Variants in PLCB1 observed in about 807,000 individuals in gnomAD.
The protein encoded by PLCB1 is 1-phosphatidylinositol 4,5-bisphosphate phosphodiesterase beta-1.
In PLCB1, 46 loss-of-function variants were observed where a neutral mutation model predicts 161.8. The observed-to-expected ratio is 0.28, with a 90% CI of 0.22 to 0.36. The LOEUF is 0.36. Ranked by LOEUF, PLCB1 falls within the 10% of genes least tolerant of loss-of-function variation. The pLI is 1.00. For synonymous variants in PLCB1, 517 were observed against 503.7 expected (o/e 1.03, Z -0.35); for missense variants, 1,016 against 1,472.5 (o/e 0.69, Z 5.07).
chr20:8,795,673 G>C (rs1983980225), intron 31 of PLCB1, among the ~76,000 whole-genome samples: 1 of 152,044 alleles, frequency 6.6e-6, no homozygotes, highest in African/African-American at 2.4e-5. Context: ...ACCTGGGTTT[G>C]CCAAAGCCAG....
intron 25 of PLCB1, among the ~76,000 whole-genome samples, chr20:8,761,764 C>T (rs890769176): frequency 7.4e-5 from 11 of 149,650 alleles, no homozygotes; most frequent in Non-Finnish European, 9.0e-5. Context: ...GTGATCCACC[C>T]GCTATTTTTA....
At chr20:8,579,026 C>T (rs1316521125) in intron 3 of PLCB1, among the ~76,000 whole-genome samples, 1 of 152,176 alleles carries the variant, frequency 6.6e-6, no homozygotes, top group Non-Finnish European at 1.5e-5. Flanking sequence ...CAGAGCACTT[C>T]TTTTTCTTTA....
intron 2 of PLCB1, among the ~76,000 whole-genome samples, chr20:8,329,862 G>A (rs1418639046): frequency 6.6e-6 from 1 of 152,042 alleles, no homozygotes; most frequent in Non-Finnish European, 1.5e-5. Context: ...TGAGGACCCC[G>A]TCTTATGATT....
chr20:8,611,681 T>C (rs145176688), intron 3 of PLCB1, among the ~76,000 whole-genome samples: 206 of 152,306 alleles, frequency 1.4e-3, no homozygotes, highest in African/African-American at 4.5e-3. Flanking sequence ...AGAGTTTTAT[T>C]GACCGTGCAG....
intron 2 of PLCB1, among the ~76,000 whole-genome samples, chr20:8,367,313 G>T (rs1050975149): frequency 2.0e-5 from 3 of 152,172 alleles, no homozygotes; most frequent in Non-Finnish European, 4.4e-5. Context: ...GCTTCTCAAA[G>T]TGTGGTCATT....
At chr20:8,817,128 CTAAGA>C (rs1985119523) in intron 31 of PLCB1, among the ~76,000 whole-genome samples, 1 of 152,158 alleles carries the variant, frequency 6.6e-6, no homozygotes, top group Non-Finnish European at 1.5e-5. Context: ...CTGATATAAT[CTAAGA>C]TAACAAAATA....
At chr20:8,530,535 C>T (rs1984768828) in intron 3 of PLCB1, among the ~76,000 whole-genome samples, 2 of 151,954 alleles carry the variant, frequency 1.3e-5, no homozygotes, top group Non-Finnish European at 2.9e-5. Flanking sequence ...AACTACATTG[C>T]ATTATAATCA....
In PLCB1 at chr20:8,853,793, A is replaced by C. The variant is rs141772876; in HGVS notation, c.3424-27829A>C. The stretch of plus-strand genomic sequence containing the variant: ...CTCCTAAATGATGACACTCAGAATA[A>C]GACGCTTTCTTCTCCTTCCACAGTC... On this transcript the variant is annotated intron_variant, in intron 31 of 31. Coordinates refer to ENST00000338037, the MANE Select transcript of PLCB1 (RefSeq NM_015192.4). 4.7e-3 allele frequency among the ~76,000 whole-genome samples: 721 copies of C among 152,332 alleles called. 4 individuals are homozygous for C. Among genetic ancestry groups the C allele is most frequent in the African/African-American group, 0.017 (695 of 41,570 alleles).
At chr20:8,701,828 G>A (rs1261327210) in intron 11 of PLCB1, among the ~76,000 whole-genome samples, 2 of 152,148 alleles carry the variant, frequency 1.3e-5, no homozygotes, top group Non-Finnish European at 2.9e-5. Flanking sequence ...TCAGATAAGT[G>A]AATTTGTCTT....
intron 3 of PLCB1, among the ~76,000 whole-genome samples, chr20:8,439,965 T>A (rs1385828656): frequency 6.6e-6 from 1 of 152,206 alleles, no homozygotes; most frequent in Non-Finnish European, 1.5e-5. Context: ...GGCTTATATG[T>A]GGATGCATGT....
chr20:8,495,113 G>A (rs1191934595), intron 3 of PLCB1, among the ~76,000 whole-genome samples: 1 of 151,750 alleles, frequency 6.6e-6, no homozygotes, highest in Non-Finnish European at 1.5e-5. Flanking sequence ...AGCAGGAGGA[G>A]AATGATAACT....
chr20:8,590,261 G>A (rs1987108879), intron 3 of PLCB1, among the ~76,000 whole-genome samples: 1 of 152,106 alleles, frequency 6.6e-6, no homozygotes, highest in Admixed American at 6.5e-5. Context: ...ATGTACCTAT[G>A]ACAAATTCGG....
intron 2 of PLCB1, among the ~76,000 whole-genome samples, chr20:8,259,460 A>G (rs1382017230): frequency 6.6e-6 from 1 of 152,146 alleles, no homozygotes; most frequent in African/African-American, 2.4e-5. Flanking sequence ...TACTAAAAAT[A>G]TAAGAAGTAG....
intron 2 of PLCB1, among the ~76,000 whole-genome samples, chr20:8,339,653 C>A (rs190244456): frequency 1.6e-3 from 243 of 152,338 alleles, no homozygotes; most frequent in African/African-American, 5.5e-3. Flanking sequence ...CACAAAAACT[C>A]TCTTCTGTTG....
intron 31 of PLCB1, among the ~76,000 whole-genome samples, chr20:8,867,056 A>G (rs2146320195): frequency 6.6e-6 from 1 of 152,336 alleles, no homozygotes; most frequent in South Asian, 2.1e-4. Flanking sequence ...GGTGATCGGG[A>G]GAAGGATGTT....
At chr20:8,247,255 G>C (rs892907109) in intron 2 of PLCB1, among the ~76,000 whole-genome samples, 1 of 151,704 alleles carries the variant, frequency 6.6e-6, no homozygotes, top group African/African-American at 2.4e-5. Context: ...GAGATGCATG[G>C]GTTTCTTATT....
At chr20:8,267,095 T>G (rs1327905103) in intron 2 of PLCB1, among the ~76,000 whole-genome samples, 6 of 151,226 alleles carry the variant, frequency 4.0e-5, no homozygotes, top group African/African-American at 1.2e-4. Context: ...GTACCTTAAA[T>G]ACAAGACATG....
intron 2 of PLCB1, among the ~76,000 whole-genome samples, chr20:8,368,265 T>C (rs1310829215): frequency 2.6e-5 from 4 of 152,112 alleles, no homozygotes; most frequent in Non-Finnish European, 5.9e-5. Context: ...CGGTGGCTCA[T>C]GCCTGCAATC....
At chr20:8,209,336 A>C (rs538891543) in intron 2 of PLCB1, among the ~76,000 whole-genome samples, 1 of 152,210 alleles carries the variant, frequency 6.6e-6, no homozygotes, top group African/African-American at 2.4e-5. Flanking sequence ...TAACCAAATG[A>C]CTTTCCTATT....
Sources: gnomAD v4.1 joint callset for allele counts (sites outside exome capture counted in the v4.1 genomes callset) on GRCh38, gnomAD v4.1.1 for gene constraint, MANE v1.5 for transcripts, NCBI Gene and HGNC (gene_info 2026-07-23, HGNC 2026-07-21) for gene names.